The following SP4 variants were observed in gnomAD, a reference collection of about 807,000 sequenced individuals.
SP4 encodes Sp4 transcription factor.
SP4 carries 19 observed loss-of-function variants against 72.8 expected under a neutral mutation model. The observed-to-expected ratio is 0.26, with a 90% CI of 0.18 to 0.38. The LOEUF (loss-of-function observed/expected upper bound fraction) is 0.38. Among genes scored for constraint, SP4 ranks in the 10% least tolerant of loss-of-function variants. The pLI is 1.00. For missense variants in SP4, 1,008 were observed against 926.3 expected (o/e 1.09, Z -1.14); for synonymous variants, 395 against 333.1 (o/e 1.19, Z -2.02).
chr7:21,485,277 A>G (rs746167369), intron 5 of SP4, among the ~76,000 whole-genome samples: 4 of 151,990 alleles, frequency 2.6e-5, no homozygotes, highest in Non-Finnish European at 4.4e-5. Context: ...TGACTTGGCT[A>G]TGAATGAATG....
intron 3 of SP4, among the ~76,000 whole-genome samples, chr7:21,469,083 T>C (rs1296320036): frequency 6.6e-6 from 1 of 152,168 alleles, no homozygotes; most frequent in African/African-American, 2.4e-5. Context: ...GCTCATTACT[T>C]TATGTTACTT....
chr7:21,510,929 A>G, intron 5 of SP4, 93 bp from the exon 6 acceptor site: 1 of 1,254,320 alleles, frequency 8.0e-7, no homozygotes, highest in Non-Finnish European at 1.1e-6. Flanking sequence ...CTGTACAAAA[A>G]GTCATATAAT....
chr7:21,430,858 CT>C lies in SP4; in HGVS notation c.1678+20del. 3 of 1,542,140 alleles carry C rather than the reference CT, an allele frequency of 1.9e-6. No individual in the cohort carries two copies. Among genetic ancestry groups the C allele is most frequent in the Non-Finnish European group, 2.7e-6 (3 of 1,128,332 alleles). ...TAGTGTTGCAGGTAAGTTCTGACAT[CT>C]TTTTAAGTACCTTTTAAATAGTTTT... is the stretch of plus-strand genomic sequence containing the variant. On this transcript the variant is annotated intron_variant, in intron 3 of 5. Coordinates refer to ENST00000222584, the MANE Select transcript of SP4 (RefSeq NM_003112.5).
chr7:21,487,759 ATGATGGTGG>A (rs77500955), intron 5 of SP4, among the ~76,000 whole-genome samples: 20,423 of 132,418 alleles, frequency 0.15, 1,716 homozygotes, highest in Middle Eastern at 0.35. Context: ...GATGATGATG[ATGATGGTGG>A]TGGTGGTGGT....
intron 3 of SP4, among the ~76,000 whole-genome samples, chr7:21,474,296 G>A (rs1270129189): frequency 6.6e-6 from 1 of 152,180 alleles, no homozygotes; most frequent in Non-Finnish European, 1.5e-5. Flanking sequence ...TATGAGAAAA[G>A]TAGTCAGAGA....
chr7:21,431,770 G>A (rs1441584494), intron 3 of SP4, among the ~76,000 whole-genome samples: 5 of 152,068 alleles, frequency 3.3e-5, no homozygotes, highest in Non-Finnish European at 5.9e-5. Flanking sequence ...TGAAAACCTC[G>A]TTGTGTTTTA....
intron 3 of SP4, among the ~76,000 whole-genome samples, chr7:21,457,286 C>T (rs761764125): frequency 3.9e-5 from 6 of 152,094 alleles, no homozygotes; most frequent in Non-Finnish European, 8.8e-5. Flanking sequence ...CCCTGAGATG[C>T]TCTTATTGCC....
intron 3 of SP4, among the ~76,000 whole-genome samples, chr7:21,457,957 A>G (rs927822375): frequency 1.3e-5 from 2 of 152,228 alleles, no homozygotes; most frequent in Non-Finnish European, 2.9e-5. Flanking sequence ...AAATAGTAAC[A>G]TAGGTATTGT....
chr7:21,431,023 A>T (rs1217891008), intron 3 of SP4, among the ~76,000 whole-genome samples, 180 bp downstream of exon 3: 1 of 152,116 alleles, frequency 6.6e-6, no homozygotes, highest in South Asian at 2.1e-4. Flanking sequence ...TGACATGTTC[A>T]CTTTTGTAGA....
chr7:21,498,035 G>A (rs1335273625), intron 5 of SP4, among the ~76,000 whole-genome samples: 3 of 151,646 alleles, frequency 2.0e-5, no homozygotes, highest in Admixed American at 6.6e-5. Flanking sequence ...CTTCAACCTC[G>A]CCTTACTCTC....
intron 5 of SP4, among the ~76,000 whole-genome samples, chr7:21,506,547 G>A (rs766342252): frequency 3.3e-4 from 50 of 152,242 alleles, no homozygotes; most frequent in African/African-American, 1.1e-3. Flanking sequence ...GGATCTTGAT[G>A]TAAGTCTTTT....
At chr7:21,449,632 A>G (rs1783530800) in intron 3 of SP4, among the ~76,000 whole-genome samples, 1 of 152,158 alleles carries the variant, frequency 6.6e-6, no homozygotes, top group Non-Finnish European at 1.5e-5. Context: ...TTTAAACTTG[A>G]TTTGGAAGAT....
Position 21,430,256 on chromosome 7 carries a change from C to G in SP4, c.1091C>G (p.Thr364Arg). 6.2e-7 allele frequency: 1 copy of G among 1,614,228 alleles called. No homozygotes were observed. ...SSERTIEESQ[T>R]PAATESEAQS... ...GAACGCACCATTGAAGAATCTCAAA[C>G]ACCTGCTGCTACTGAGTCTGAAGCC... Residue 364 changes from threonine to arginine, a missense_variant, in exon 3 of 6, where the codon ACA becomes AGA. Physicochemically the swap from Thr to Arg is moderately conservative, Grantham distance 71. Around this residue, in one of 3 missense-constraint regions of SP4, gnomAD observed 893 missense variants for 743.3 expected, o/e 1.20. Coordinates refer to ENST00000222584, the MANE Select transcript of SP4 (RefSeq NM_003112.5).
intron 3 of SP4, among the ~76,000 whole-genome samples, chr7:21,437,479 G>A (rs1158453895): frequency 6.6e-6 from 1 of 152,134 alleles, no homozygotes; most frequent in Non-Finnish European, 1.5e-5. Context: ...ATGGCATGGG[G>A]TTCTAATTTT....
Position 21,511,066 on chromosome 7 carries a change from C to T in SP4, c.2152C>T (p.Arg718Trp). ...CCCGGAATGTTCTAAAAGGTTTATG[C>T]GGAGTGATCATCTCTCCAAACATGT... ...ECPECSKRFM[R>W]SDHLSKHVKT... The change falls in exon 6 of 6, where the codon CGG becomes TGG. Residue 718 changes from arginine (R) to tryptophan (W), a missense_variant. Around this residue, in one of 3 missense-constraint regions of SP4, gnomAD observed 48 missense variants for 117.0 expected, o/e 0.41. Coordinates refer to ENST00000222584, the MANE Select transcript of SP4 (RefSeq NM_003112.5). 1 of 1,613,630 alleles carries T rather than the reference C, an allele frequency of 6.2e-7. No individual in the cohort carries two copies. The highest frequency in any genetic ancestry group is 8.5e-7 in the Non-Finnish European group (1 of 1,179,614).
chr7:21,439,476 A>C (rs1313264045), intron 3 of SP4, among the ~76,000 whole-genome samples: 1 of 149,732 alleles, frequency 6.7e-6, no homozygotes, highest in Non-Finnish European at 1.5e-5. Flanking sequence ...GTAATTTCTC[A>C]TTCCCTACTC....
chr7:21,439,728 A>G (rs893916070), intron 3 of SP4, among the ~76,000 whole-genome samples: 20 of 152,088 alleles, frequency 1.3e-4, no homozygotes, highest in African/African-American at 4.8e-4. Flanking sequence ...TACCTCTACG[A>G]AAAAAGGAAA....
chr7:21,471,947 C>T (rs190801002), intron 3 of SP4, among the ~76,000 whole-genome samples: 3 of 152,146 alleles, frequency 2.0e-5, no homozygotes, highest in African/African-American at 7.2e-5. Flanking sequence ...AATAGTTGCT[C>T]TTGTTGTCAG....
chr7:21,496,700 G>A (rs1415590728), intron 5 of SP4, among the ~76,000 whole-genome samples: 1 of 152,050 alleles, frequency 6.6e-6, no homozygotes, highest in Non-Finnish European at 1.5e-5. Flanking sequence ...TCAAATTGGG[G>A]AAGTTTTTAC....
Sources: gnomAD v4.1 joint callset for allele counts (sites outside exome capture counted in the v4.1 genomes callset) on GRCh38, gnomAD v4.1.1 for gene constraint, gnomAD v4.1.1 regional missense constraint, MANE v1.5 for transcripts, NCBI Gene and HGNC (gene_info 2026-07-23, HGNC 2026-07-21) for gene names.